Variants in FSD1 observed in about 807,000 individuals in gnomAD.
FSD1 encodes the protein fibronectin type III and SPRY domain containing 1.
A neutral mutation model predicts 58.2 loss-of-function variants in FSD1; 23 were observed. The ratio of observed to expected loss-of-function variants is 0.40; its 90% CI spans 0.28 to 0.56. The LOEUF is 0.56. Ranked by LOEUF, FSD1 falls within the 20% of genes least tolerant of loss-of-function variation. The pLI is 0.54. For missense variants in FSD1, 563 were observed against 670.8 expected, an observed-to-expected ratio of 0.84 and a Z score of 1.78; for synonymous variants, 265 against 263.4, an observed-to-expected ratio of 1.01 and a Z score of -0.06.
chr19:4,320,090 G>A (rs1359447389), intron 10 of FSD1, among the ~76,000 whole-genome samples: 3 of 152,062 alleles, frequency 2.0e-5, no homozygotes, highest in Admixed American at 6.6e-5. Flanking sequence ...GAGGTTTGAG[G>A]AACACCTGGA....
chr19:4,315,849 G>A (rs913041137), intron 7 of FSD1, among the ~76,000 whole-genome samples: 5 of 149,560 alleles, frequency 3.3e-5, no homozygotes, highest in East Asian at 2.0e-4. Flanking sequence ...GGCTGGTCTC[G>A]AACTCCTGAC....
Position 4,310,499 on chromosome 19 carries a change from G to T in FSD1, c.393G>T (p.Arg131=). The change falls in exon 6 of 13, where the codon CGG becomes CGT. Residue 131 remains arginine, a synonymous_variant. Coordinates refer to ENST00000221856, the MANE Select transcript of FSD1 (RefSeq NM_024333.3). ...GAGTGACCATGGCCCCTGCCTTCCG[G>T]CTATCATTGAAAGCGAAGGTCAGTG... ...KDGVTMAPAF[R]LSLKAKVSDN... The T allele has an allele frequency of 6.2e-7, 1 of 1,613,112 alleles. No homozygotes were observed. The highest frequency in any genetic ancestry group is 2.2e-5 in the East Asian group (1 of 44,836).
chr19:4,312,034 C>G lies in FSD1; in HGVS notation c.683C>G (p.Thr228Arg). 6.2e-7 allele frequency: 1 copy of G among 1,608,432 alleles called. No individual in the cohort carries two copies. Among genetic ancestry groups the G allele is most frequent in the South Asian group, 1.1e-5 (1 of 91,040 alleles). ...PWMVIEGIRQTEYTLTGLKFD... is the reference protein window; with the variant it reads ...PWMVIEGIRQREYTLTGLKFD... ...ATGGTCATCGAGGGCATCCGGCAGA[C>G]AGAGTACACCCTGACAGGTAAGGGC... The change falls in exon 7 of 13, where the codon ACA becomes AGA. Residue 228 changes from threonine to arginine, a missense_variant. By Grantham distance (71) the Thr-to-Arg change is moderately conservative. Coordinates refer to ENST00000221856, the MANE Select transcript of FSD1 (RefSeq NM_024333.3).
At position 4,310,269 on chromosome 19, in the gene FSD1, C is replaced by T; in HGVS notation, c.346-4C>T. 8 of 1,614,148 alleles carry T rather than the reference C, an allele frequency of 5.0e-6. No homozygotes were observed. Among genetic ancestry groups the T allele is most frequent in the Non-Finnish European group, 6.8e-6 (8 of 1,179,976 alleles). On this transcript the variant is annotated splice_region_variant and splice_polypyrimidine_tract_variant and intron_variant, in intron 4 of 12. Coordinates refer to ENST00000221856, the MANE Select transcript of FSD1 (RefSeq NM_024333.3). ...TTTGAATGTTGTTCTGTTCCTCTCT[C>T]TAGGCTGCCAAGCAAATCAAAGATG...
At chr19:4,322,307 TG>T (rs373773101) in intron 10 of FSD1, among the ~76,000 whole-genome samples, 3 of 123,066 alleles carry the variant, frequency 2.4e-5, no homozygotes, top group African/African-American at 9.5e-5. Context: ...GAGGAGTATC[TG>T]GGGGGGCGGA....
intron 1 of FSD1, among the ~76,000 whole-genome samples, chr19:4,305,711 TCTC>T (rs1388951231): frequency 6.6e-6 from 1 of 152,102 alleles, no homozygotes; most frequent in East Asian, 1.9e-4. Context: ...AGCCCCCACA[TCTC>T]CTCTCTGGAT....
intron 6 of FSD1, chr19:4,310,985 C>G (rs953934729): frequency 8.1e-5 from 14 of 172,332 alleles, no homozygotes; most frequent in Non-Finnish European, 1.6e-4. Flanking sequence ...ATAGCACGTC[C>G]TGTGGGGGTG....
chr19:4,311,951 G>A lies in FSD1; in HGVS notation c.600G>A (p.Leu200=), dbSNP rs764806397. 14 of 1,613,644 alleles carry A rather than the reference G, an allele frequency of 8.7e-6. No homozygotes were observed. The highest frequency in any genetic ancestry group is 1.7e-5 in the Admixed American group (1 of 60,006). Residue 200 remains leucine, a synonymous_variant, in exon 7 of 13, where the codon CTG becomes CTA. Coordinates refer to ENST00000221856, the MANE Select transcript of FSD1 (RefSeq NM_024333.3). ...ACAGCAAGATTGACCACTACGTGCT[G>A]GAGTACCGGCGGACCAACTTCGAGG... The part of the protein sequence containing the change: ...DEDSKIDHYV[L]EYRRTNFEGP...
At chr19:4,310,213 A>C (rs1363172179) in intron 4 of FSD1, 60 bp from the exon 5 acceptor site, 1 of 1,596,502 alleles carries the variant, frequency 6.3e-7, no homozygotes, top group East Asian at 2.2e-5. Context: ...CAACAGAGCA[A>C]GACTCCGTCT....
At chr19:4,322,189 T>G (rs913864611) in intron 10 of FSD1, among the ~76,000 whole-genome samples, 1 of 145,020 alleles carries the variant, frequency 6.9e-6, no homozygotes, top group African/African-American at 2.6e-5. Flanking sequence ...CTGGGAGGGA[T>G]AACTTGGACC....
chr19:4,319,171 G>T (rs1423054190), intron 10 of FSD1, among the ~76,000 whole-genome samples: 1 of 152,252 alleles, frequency 6.6e-6, no homozygotes, highest in Non-Finnish European at 1.5e-5. Flanking sequence ...AAGAGACTCT[G>T]GACCAGACAG....
intron 3 of FSD1, among the ~76,000 whole-genome samples, chr19:4,307,548 T>G (rs529721176): frequency 6.6e-6 from 1 of 152,022 alleles, no homozygotes; most frequent in East Asian, 1.9e-4. Flanking sequence ...TTTCTATGTT[T>G]AGTGGAGACA....
At chr19:4,322,341 C>T (rs1251273207) in intron 10 of FSD1, among the ~76,000 whole-genome samples, 1 of 148,766 alleles carries the variant, frequency 6.7e-6, no homozygotes, top group Non-Finnish European at 1.5e-5. Context: ...CAAGAAGTAT[C>T]TGGAGGGGAT....
chr19:4,322,014 G>C (rs1971824278), intron 10 of FSD1, among the ~76,000 whole-genome samples: 2 of 149,398 alleles, frequency 1.3e-5, no homozygotes, highest in African/African-American at 5.0e-5. Context: ...TGGACCCCAA[G>C]GAGTATCTGG....
intron 10 of FSD1, 80 bp from the exon 11 acceptor site, chr19:4,322,906 G>A: frequency 6.7e-7 from 1 of 1,497,528 alleles, no homozygotes; most frequent in South Asian, 1.3e-5. Flanking sequence ...AGCACCTTGG[G>A]GGCTGGCCCT....
In FSD1 at chr19:4,317,168, C is replaced by T; in HGVS notation, c.701-14C>T. On this transcript the variant is annotated splice_polypyrimidine_tract_variant and intron_variant, in intron 7 of 12. Coordinates refer to ENST00000221856, the MANE Select transcript of FSD1 (RefSeq NM_024333.3). ...AATAATACACAGTGTTGAAATGCCTCTCTTGCCTACCAGGTCTCAAGTTTG... is the reference window on the plus strand; with the variant it reads ...AATAATACACAGTGTTGAAATGCCTTTCTTGCCTACCAGGTCTCAAGTTTG... 6.7e-7 allele frequency: 1 copy of T among 1,500,670 alleles called. No individual in the cohort carries two copies. Among genetic ancestry groups the T allele is most frequent in the Middle Eastern group, 1.7e-4 (1 of 5,848 alleles). 93.0% of individuals were successfully genotyped at this position (1,500,670 alleles called of 1,614,324 possible).
At chr19:4,306,466 C>T (rs1220782277) in intron 3 of FSD1, 137 bp downstream of exon 3, 1 of 761,376 alleles carries the variant, frequency 1.3e-6, no homozygotes, top group Admixed American at 2.9e-5. Flanking sequence ...CACCTGTACA[C>T]TCTCTCTTTT....
At position 4,318,909 on chromosome 19, in the gene FSD1, G is replaced by C. The variant is rs771080365; in HGVS notation, c.997G>C (p.Gly333Arg). The C allele has an allele frequency of 6.2e-7, 1 of 1,613,554 alleles. No individual in the cohort carries two copies. The highest frequency in any genetic ancestry group is 1.7e-5 in the Admixed American group (1 of 59,986). ...PSPKRMPSGR[G>R]GRDRFTAESY... ...TCCCAAGAGGATGCCCTCAGGTCGT[G>C]GGGGACGGGACCGCTTCACCGCTGA... is the stretch of plus-strand genomic sequence containing the variant. Residue 333 changes from glycine to arginine, a missense_variant, in exon 10 of 13, where the codon GGG becomes CGG. Coordinates refer to ENST00000221856, the MANE Select transcript of FSD1 (RefSeq NM_024333.3).
intron 8 of FSD1, 77 bp from the exon 9 acceptor site, chr19:4,318,269 C>G: frequency 6.3e-7 from 1 of 1,592,398 alleles, no homozygotes; most frequent in Non-Finnish European, 8.6e-7. Flanking sequence ...GTCTTGGTCA[C>G]TCTCTGTCTC....
Sources: allele counts gnomAD v4.1 joint callset (sites outside exome capture counted in the v4.1 genomes callset), GRCh38; gene constraint gnomAD v4.1.1; transcripts MANE v1.5; gene names NCBI Gene and HGNC (gene_info 2026-07-23, HGNC 2026-07-21).